The following RAB37 variants were observed in gnomAD, a reference collection of about 807,000 sequenced individuals.
The protein encoded by RAB37 is RAB37, member RAS oncogene family, also known as ras-related protein Rab-37.
RAB37 carries 29 observed loss-of-function variants against 33.1 expected under a neutral mutation model. That is an observed-to-expected ratio of 0.88 (90% confidence interval 0.65 to 1.20). The LOEUF (loss-of-function observed/expected upper bound fraction) is 1.20. Among genes scored for constraint, RAB37 ranks in the 50% most tolerant of loss-of-function variants. The pLI, the probability that RAB37 is intolerant of heterozygous loss-of-function variation, is 0.00. For synonymous variants in RAB37, 128 were observed against 119.5 expected, an observed-to-expected ratio of 1.07 and a Z score of -0.47; for missense variants, 299 against 301.1, an observed-to-expected ratio of 0.99 and a Z score of 0.05.
intron 1 of RAB37, among the ~76,000 whole-genome samples, chr17:74,716,325 G>C (rs915435382): frequency 6.6e-5 from 10 of 152,140 alleles, no homozygotes; most frequent in African/African-American, 2.4e-4. Context: ...TACGTGAATG[G>C]TTGAACCTGT....
At position 74,708,758 on chromosome 17, in the gene RAB37, T is replaced by A. The variant is rs562054559; in HGVS notation, c.73-20498T>A. 7.5e-3 allele frequency among the ~76,000 whole-genome samples: 1,136 copies of A among 151,648 alleles called. 16 individuals are homozygous for A. Among genetic ancestry groups the A allele is most frequent in the African/African-American group, 0.026 (1,062 of 41,328 alleles). Reference sequence around the variant, plus strand: ...GGTGAAACCCTGTCTCTACTAAAAATACAAAAAATTAGCCAGGCGTGGTGG... The same window carrying A: ...GGTGAAACCCTGTCTCTACTAAAAAAACAAAAAATTAGCCAGGCGTGGTGG... On this transcript the variant is annotated intron_variant, in intron 1 of 7. Transcript: ENST00000340415.
chr17:74,682,686 C>T (rs535744942), intron 1 of RAB37, among the ~76,000 whole-genome samples: 1 of 152,326 alleles, frequency 6.6e-6, no homozygotes, highest in South Asian at 2.1e-4. Flanking sequence ...GGGTGGATCA[C>T]CCGAGGTCGG....
intron 1 of RAB37, chr17:74,696,203 G>C (rs1167181033): frequency 6.2e-7 from 1 of 1,607,068 alleles, no homozygotes; most frequent in South Asian, 1.1e-5. Flanking sequence ...ACCTGCTCTG[G>C]GGACATCCCG....
At chr17:74,720,952 T>A (rs922918136) in intron 1 of RAB37, among the ~76,000 whole-genome samples, 5 of 152,168 alleles carry the variant, frequency 3.3e-5, no homozygotes, top group Admixed American at 2.6e-4. Context: ...TGGCTGGAGA[T>A]AACCGGGCTC....
upstream of RAB37, chr17:74,736,905 G>T (rs373900425): frequency 4.8e-4 from 717 of 1,490,746 alleles, 5 homozygotes; most frequent in East Asian, 0.014. Flanking sequence ...GCCTGCTGTC[G>T]CGGTGCGCAG....
rs184863514 is a variant in RAB37 at position 74,701,089 on chromosome 17, A to G, written c.73-28167A>G. Among the ~76,000 whole-genome samples the G allele has an allele frequency of 1.8e-4, 27 of 152,364 alleles. No individual in the cohort carries two copies. The East Asian group carries it at 4.6e-3, about 26-fold the overall frequency. On this transcript the variant is annotated intron_variant, in intron 1 of 7. Transcript: ENST00000340415. ...ACTTGATCTCAGACTTTTAGCCTCC[A>G]GAATTGTGAGAAAATAAATTTTTGT...
chr17:74,687,367 G>A (rs1228429805), intron 1 of RAB37, among the ~76,000 whole-genome samples: 1 of 151,994 alleles, frequency 6.6e-6, no homozygotes, highest in Non-Finnish European at 1.5e-5. Context: ...GGGATTACAG[G>A]GGCCCGCCAC....
At chr17:74,720,264 G>A (rs1353673426) in intron 1 of RAB37, among the ~76,000 whole-genome samples, 1 of 152,150 alleles carries the variant, frequency 6.6e-6, no homozygotes, top group African/African-American at 2.4e-5. Flanking sequence ...CTGGCCCCAC[G>A]GCAGCATGAA....
intron 1 of RAB37, among the ~76,000 whole-genome samples, chr17:74,708,385 G>T (rs1284141269): frequency 1.3e-5 from 2 of 152,042 alleles, no homozygotes; most frequent in African/African-American, 4.8e-5. Context: ...ATTTTCCAGA[G>T]CATAGAAAAA....
chr17:74,746,262 G>C lies in RAB37; in HGVS notation c.*851G>C, dbSNP rs576491076. On this transcript the variant is annotated 3_prime_UTR_variant, in exon 9 of 9. Transcript: ENST00000392613. This position sits in a 1 kb window ranked among gnomAD's most constrained non-coding sequence, Gnocchi z 5.2. ...TTTTGAAATGGAGTCTCGTTCTGTC[G>C]CCCAGGCTGAGGTGCAGTAGTGCAA... 6.6e-6 allele frequency: 1 copy of C among 152,040 alleles called. No homozygotes were observed. Among genetic ancestry groups the C allele is most frequent in the Non-Finnish European group, 1.5e-5 (1 of 68,036 alleles). 9.4% of individuals were successfully genotyped at this position (152,040 alleles called of 1,614,324 possible).
chr17:74,735,061 G>GAAAGAAAGAAAGAA (rs1555594315), upstream of RAB37, among the ~76,000 whole-genome samples: 12 of 105,624 alleles, frequency 1.1e-4, no homozygotes, highest in Non-Finnish European at 1.9e-4. Context: ...AAGAAAGAAA[G>GAAAGAAAGAAAGAA]AGAAAGAAAG....
rs34851642 is a variant in RAB37, at chr17:74,703,065, G to T, written c.73-26191G>T. The T allele has an allele frequency of 2.8e-5, 45 of 1,614,000 alleles. No homozygotes were observed. The highest frequency in any genetic ancestry group is 3.6e-5 in the Non-Finnish European group (43 of 1,179,906). On this transcript the variant is annotated intron_variant, in intron 1 of 7. Coordinates refer to the RAB37 transcript ENST00000340415. ...GTCCAAGTGGTGGCCGGTCAGAGTT[G>T]GGGAGCTGCTAGTTTCTTCTTGGGT...
intron 1 of RAB37, among the ~76,000 whole-genome samples, chr17:74,696,510 C>T (rs2032492489): frequency 1.3e-5 from 2 of 152,170 alleles, no homozygotes; most frequent in African/African-American, 4.8e-5. Context: ...GCCATCGGCT[C>T]CCCTGGGAGT....
At chr17:74,727,574 G>A (rs1258553540) in intron 1 of RAB37, among the ~76,000 whole-genome samples, 1 of 152,262 alleles carries the variant, frequency 6.6e-6, no homozygotes, top group Non-Finnish European at 1.5e-5. Context: ...TCCGCCTTTG[G>A]CTGGTAATTG....
At chr17:74,714,234 T>C (rs1427433104) in intron 1 of RAB37, among the ~76,000 whole-genome samples, 3 of 151,594 alleles carry the variant, frequency 2.0e-5, no homozygotes, top group Non-Finnish European at 4.4e-5. Context: ...ATAATAATAA[T>C]AATTAGTTCT....
intron 2 of RAB37, among the ~76,000 whole-genome samples, chr17:74,741,695 G>A (rs2144078233): frequency 6.6e-6 from 1 of 152,194 alleles, no homozygotes; most frequent in South Asian, 2.1e-4. Context: ...CATCAGGGAT[G>A]CTAGACGCTG....
At chr17:74,689,754 C>T (rs956724421) in intron 1 of RAB37, among the ~76,000 whole-genome samples, 3 of 152,164 alleles carry the variant, frequency 2.0e-5, no homozygotes, top group African/African-American at 7.2e-5. Context: ...CAGCTTTGAG[C>T]TCTATTTTTC....
intron 1 of RAB37, among the ~76,000 whole-genome samples, chr17:74,739,525 CTTTTTTTTT>C (rs1166150273): frequency 7.6e-6 from 1 of 131,310 alleles, no homozygotes; most frequent in Non-Finnish European, 1.6e-5. Flanking sequence ...TTCATGCAAC[CTTTTTTTTT>C]TTTTTTTTTT....
intron 1 of RAB37, chr17:74,704,894 C>T: frequency 8.8e-7 from 1 of 1,137,762 alleles, no homozygotes; most frequent in Non-Finnish European, 1.3e-6. Flanking sequence ...GGAATAGCTC[C>T]CAAATCCAAG....
Sources: gnomAD v4.1 joint callset for allele counts (sites outside exome capture counted in the v4.1 genomes callset) on GRCh38, gnomAD v4.1.1 for gene constraint, Gnocchi (gnomAD v3.1) non-coding constraint, MANE v1.5 for transcripts, NCBI Gene and HGNC (gene_info 2026-07-23, HGNC 2026-07-21) for gene names.